Variants in DENND2A observed in about 807,000 individuals in gnomAD.
DENND2A encodes the protein DENN domain-containing protein 2A.
In DENND2A, 53 loss-of-function variants were observed where a neutral mutation model predicts 105.3. That is an observed-to-expected ratio of 0.50 (90% CI 0.40 to 0.63). The LOEUF is 0.63. Among genes scored for constraint, DENND2A ranks in the 30% least tolerant of loss-of-function variants. The probability of loss-of-function intolerance (pLI) is 0.00; values close to 1 mark genes in which losing one functional copy is unlikely to be tolerated. For missense variants in DENND2A, 1,138 were observed against 1,279.6 expected (o/e 0.89, Z 1.69); for synonymous variants, 522 against 508.4 (o/e 1.03, Z -0.36).
intron 1 of DENND2A, among the ~76,000 whole-genome samples, chr7:140,608,756 C>T (rs1156482462): frequency 1.3e-5 from 2 of 152,056 alleles, no homozygotes; most frequent in Non-Finnish European, 2.9e-5. Flanking sequence ...ACTTAAATTA[C>T]CATGATAAAC....
At chr7:140,635,517 T>C (rs1391662698) in intron 1 of DENND2A, among the ~76,000 whole-genome samples, 1 of 152,122 alleles carries the variant, frequency 6.6e-6, no homozygotes, top group Admixed American at 6.6e-5. Context: ...CGGCTCCCTG[T>C]ACTGGCCCCA....
rs138999698 is a variant in DENND2A at position 140,622,311 on chromosome 7, G to T, written c.-247-16505C>A. ...CTCGGGAGGCTGAGGCAAGAGAATC[G>T]CTTGAACCTGGGAGGCGGAGGTTGC... On this transcript the variant is annotated intron_variant, in intron 1 of 19. Transcript: ENST00000496613. 5.9e-5 allele frequency among the ~76,000 whole-genome samples: 9 copies of T among 151,998 alleles called. 2 individuals carry two copies. The South Asian group carries it at 1.2e-3, about 21-fold the overall frequency.
intron 14 of DENND2A, among the ~76,000 whole-genome samples, chr7:140,534,554 T>C (rs891271600): frequency 6.6e-6 from 1 of 152,160 alleles, no homozygotes; most frequent in Non-Finnish European, 1.5e-5. Context: ...GGTAATAAAA[T>C]TTTATTCCCT....
chr7:140,582,437 C>G lies in DENND2A; in HGVS notation c.1245+3152G>C, dbSNP rs1177791859. On this transcript the variant is annotated intron_variant, in intron 5 of 19. Transcript: ENST00000496613. Reference sequence around the variant, plus strand: ...AGGATTTCCTAAATGTTGAAGACATCCCTATTCCAATGAAAACACCAACAA... The same window carrying G: ...AGGATTTCCTAAATGTTGAAGACATGCCTATTCCAATGAAAACACCAACAA... Among the ~76,000 whole-genome samples the G allele has an allele frequency of 2.6e-5, 4 of 152,170 alleles. No individual in the cohort carries two copies. The East Asian group carries it at 7.7e-4, about 29-fold the overall frequency.
rs186100087 is a variant in DENND2A at position 140,538,560 on chromosome 7, G to A, written c.2327+6058C>T. The stretch of plus-strand genomic sequence containing the variant: ...CTCACTCTGTTGCCCAGGCTGGAGT[G>A]TAGCGGTGTGATCTCAGCTCACTGC... On this transcript the variant is annotated intron_variant, in intron 14 of 19. Transcript: ENST00000496613. Among the ~76,000 whole-genome samples the A allele has an allele frequency of 6.3e-3, 963 of 152,264 alleles. 6 individuals carry two copies. Among genetic ancestry groups the A allele is most frequent in the Admixed American group, 9.9e-3 (151 of 15,294 alleles).
chr7:140,519,724 AAC>A lies in DENND2A; in HGVS notation c.2912-8_2912-7del. ...GGCTCGGACCTCAAACAGACCTGTT[AAC>A]AAGAGAAATCCCAGCCATTTGAGTT... On this transcript the variant is annotated splice_region_variant and splice_polypyrimidine_tract_variant and intron_variant, in intron 18 of 19. Coordinates refer to ENST00000496613, the MANE Select transcript of DENND2A (RefSeq NM_015689.5). 6.2e-7 allele frequency: 1 copy of A among 1,613,676 alleles called. No homozygotes were observed. The highest frequency in any genetic ancestry group is 2.2e-5 in the East Asian group (1 of 44,874).
intron 14 of DENND2A, among the ~76,000 whole-genome samples, chr7:140,534,907 G>T (rs1025165420): frequency 1.8e-4 from 28 of 152,180 alleles, no homozygotes; most frequent in African/African-American, 6.5e-4. Context: ...GTTAAAAGTT[G>T]GGCATGGGTG....
intron 5 of DENND2A, among the ~76,000 whole-genome samples, chr7:140,577,393 C>CTTTTT (rs1249797421): frequency 4.5e-4 from 68 of 150,812 alleles, no homozygotes; most frequent in Admixed American, 2.0e-3. Context: ...GATCAGAAAA[C>CTTTTT]TTTTTCTTTT....
intron 3 of DENND2A, among the ~76,000 whole-genome samples, chr7:140,596,252 A>G (rs1186101954): frequency 1.3e-5 from 2 of 152,238 alleles, no homozygotes; most frequent in African/African-American, 2.4e-5. Flanking sequence ...CTGTTTTCCA[A>G]TGCAGCTTCT....
At chr7:140,636,911 AATGTAGTG>A (rs1800958825) in intron 1 of DENND2A, among the ~76,000 whole-genome samples, 1 of 151,548 alleles carries the variant, frequency 6.6e-6, no homozygotes, top group Admixed American at 6.6e-5. Flanking sequence ...CCCAGGCTGG[AATGTAGTG>A]ATGCAATCTT....
intron 9 of DENND2A, among the ~76,000 whole-genome samples, chr7:140,561,498 C>CTT (rs536896244): frequency 1.6e-3 from 165 of 102,494 alleles, no homozygotes; most frequent in African/African-American, 1.9e-3. Context: ...TTTCTGTTGT[C>CTT]TTTTTTTTTT....
chr7:140,533,362 C>T (rs1177466802), intron 14 of DENND2A, among the ~76,000 whole-genome samples: 1 of 152,122 alleles, frequency 6.6e-6, no homozygotes, highest in African/African-American at 2.4e-5. Flanking sequence ...GCTCCCTTCT[C>T]CTTGCTGTAC....
intron 1 of DENND2A, among the ~76,000 whole-genome samples, chr7:140,611,400 G>A (rs1307226652): frequency 6.6e-6 from 1 of 152,130 alleles, no homozygotes. Flanking sequence ...TTGGCCAGGT[G>A]TGGTGGTGCA....
At chr7:140,532,132 G>A (rs142246407) in intron 14 of DENND2A, among the ~76,000 whole-genome samples, 81 of 152,232 alleles carry the variant, frequency 5.3e-4, no homozygotes, top group African/African-American at 1.6e-3. Flanking sequence ...AGATGTGGTG[G>A]CGGGTGCCTG....
At chr7:140,587,580 C>T in intron 4 of DENND2A, 73 bp downstream of exon 4, 1 of 1,595,896 alleles carries the variant, frequency 6.3e-7, no homozygotes. Flanking sequence ...GTGTTTCCAG[C>T]AGCCAGCCCC....
intron 1 of DENND2A, among the ~76,000 whole-genome samples, chr7:140,616,371 A>G (rs948141183): frequency 2.0e-5 from 3 of 152,180 alleles, no homozygotes; most frequent in Non-Finnish European, 4.4e-5. Context: ...CATACACACA[A>G]AAAAAGAATA....
Position 140,523,384 on chromosome 7 carries a change from AC to A in DENND2A, c.2587del (p.Val863TrpfsTer22), listed in dbSNP as rs1294948018. On this transcript the variant is annotated frameshift_variant, in exon 17 of 20. Transcript: ENST00000496613. LOFTEE classifies it high-confidence loss of function. The surrounding 1 kb of genome is among the most constrained non-coding windows in gnomAD (Gnocchi z 4.5). The part of the protein sequence containing the change: ...EDSILPRKLQ[V>X]ALEHILEQRN... ...CTGTTCCAGAATGTGTTCCAGGGCC[AC>A]CTGAAGCTTCCGGGGCAGGATGGAG... 6.2e-7 allele frequency: 1 copy of A among 1,614,086 alleles called. No individual in the cohort carries two copies.
At chr7:140,593,133 G>A (rs901765001) in intron 3 of DENND2A, among the ~76,000 whole-genome samples, 10 of 152,180 alleles carry the variant, frequency 6.6e-5, no homozygotes, top group South Asian at 2.1e-4. Flanking sequence ...GTTAATGAAC[G>A]ATAACCACAT....
Position 140,525,216 on chromosome 7 carries a change from G to A in DENND2A, c.2547+535C>T, listed in dbSNP as rs1277706898. On this transcript the variant is annotated intron_variant, in intron 16 of 19. Coordinates refer to ENST00000496613, the MANE Select transcript of DENND2A (RefSeq NM_015689.5). ...GTCACCCAGGCTGGAGTGCAGTGGC[G>A]CAATCTCCACTCACTGCAACCTCCA... 4.7e-5 allele frequency among the ~76,000 whole-genome samples: 7 copies of A among 148,838 alleles called. No homozygotes were observed. The South Asian group carries it at 6.4e-4, about 14-fold the overall frequency.
Sources: allele counts gnomAD v4.1 joint callset (sites outside exome capture counted in the v4.1 genomes callset), GRCh38; gene constraint gnomAD v4.1.1; non-coding constraint Gnocchi (gnomAD v3.1); transcripts MANE v1.5; gene names NCBI Gene and HGNC (gene_info 2026-07-23, HGNC 2026-07-21).